The following MICAL2 variants were observed in gnomAD, a reference collection of about 807,000 sequenced individuals.
MICAL2 encodes [F-actin]-monooxygenase MICAL2.
A neutral mutation model predicts 127.3 loss-of-function variants in MICAL2; 77 were observed. The observed-to-expected ratio is 0.60, with a 90% CI of 0.50 to 0.73. The LOEUF (loss-of-function observed/expected upper bound fraction) is 0.73, where lower values mean the gene tolerates loss of function less well. MICAL2 is among the 30% of genes least tolerant of loss of function. MICAL2 has a pLI of 0.00. For missense variants in MICAL2, 1,351 were observed against 1,434.4 expected (o/e 0.94, Z 0.94); for synonymous variants, 570 against 551.1 (o/e 1.03, Z -0.48).
At chr11:12,236,059 T>A (rs185012572) in intron 15 of MICAL2, 118 bp from the exon 16 acceptor site, 116 of 796,846 alleles carry the variant, frequency 1.5e-4, no homozygotes, top group Non-Finnish European at 2.3e-4. Context: ...CAGCTGTTTG[T>A]GGGCAGGGAC....
At chr11:12,136,941 C>T (rs888732437) in intron 1 of MICAL2, among the ~76,000 whole-genome samples, 1 of 152,190 alleles carries the variant, frequency 6.6e-6, no homozygotes, top group Middle Eastern at 3.2e-3. Context: ...ATCTAGAGAG[C>T]ATGGCGGGGT....
At position 12,240,008 on chromosome 11, in the gene MICAL2, T is replaced by TA. The variant is rs548857424; in HGVS notation, c.2214+424dup. Among the ~76,000 whole-genome samples, 768 of 152,352 alleles carry TA rather than the reference T, an allele frequency of 5.0e-3. 3 individuals are homozygous for TA. Among genetic ancestry groups the TA allele is most frequent in the Non-Finnish European group, 6.2e-3 (420 of 68,024 alleles). ...TGGTTTGCAGCCAGTTTTGAGGTGATACAGTTTGAAGGAGCTTTGAGAGGC... is the reference window on the plus strand; with the variant it reads ...TGGTTTGCAGCCAGTTTTGAGGTGATAACAGTTTGAAGGAGCTTTGAGAGGC... On this transcript the variant is annotated intron_variant, in intron 17 of 27. Coordinates refer to ENST00000683283, the MANE Select transcript of MICAL2 (RefSeq NM_001282663.2).
chr11:12,127,122 AG>A (rs1850991466), intron 1 of MICAL2, among the ~76,000 whole-genome samples: 1 of 152,170 alleles, frequency 6.6e-6, no homozygotes, highest in South Asian at 2.1e-4. Context: ...ACTTCAGAAC[AG>A]GGATGGGAGG....
intron 3 of MICAL2, among the ~76,000 whole-genome samples, chr11:12,178,179 T>C (rs2133926709): frequency 6.6e-6 from 1 of 152,320 alleles, no homozygotes; most frequent in Non-Finnish European, 1.5e-5. Flanking sequence ...AGGACTGGGT[T>C]CAGGGATCTT....
At chr11:12,240,232 G>A (rs1337064492) in intron 17 of MICAL2, among the ~76,000 whole-genome samples, 6 of 152,186 alleles carry the variant, frequency 3.9e-5, no homozygotes, top group South Asian at 2.1e-4. Context: ...AGAATGCTGC[G>A]TCAGGCTGTA....
rs191856992 is a variant in MICAL2, at chr11:12,124,323, T to C, written c.-149+13597T>C. On this transcript the variant is annotated intron_variant, in intron 1 of 27. Transcript: ENST00000683283. Reference sequence around the variant, plus strand: ...ACTTGCGATCTTTGACCGACTGACTTTGGGAAGAGTGATTGAAGCCGCCCC... The same window carrying C: ...ACTTGCGATCTTTGACCGACTGACTCTGGGAAGAGTGATTGAAGCCGCCCC... 4.1e-4 allele frequency among the ~76,000 whole-genome samples: 62 copies of C among 152,222 alleles called. 1 individual carries two copies. In the East Asian group the frequency reaches 0.011, roughly 26 times the overall value.
At position 12,226,264 on chromosome 11, in the gene MICAL2, C is replaced by G. The variant is rs1043344107; in HGVS notation, c.1782C>G (p.Thr594=). The G allele has an allele frequency of 3.1e-6, 5 of 1,614,114 alleles. No homozygotes were observed. Among genetic ancestry groups the G allele is most frequent in the Non-Finnish European group, 4.2e-6 (5 of 1,180,046 alleles). ...GAGAGTTTGGGATCCCTCCAGTGAC[C>G]ACGGGCAAAGAGATGGCATCTGCCC... ...AEREFGIPPV[T]TGKEMASAQE... is the part of the protein sequence containing the mutation. Residue 594 remains threonine (T), a synonymous_variant, in exon 14 of 28, where the codon ACC becomes ACG. Coordinates refer to ENST00000683283, the MANE Select transcript of MICAL2 (RefSeq NM_001282663.2).
At position 12,209,456 on chromosome 11, in the gene MICAL2, A is replaced by G. The variant is rs1423195992; in HGVS notation, c.590-41A>G. On this transcript the variant is annotated intron_variant, in intron 5 of 27. Coordinates refer to ENST00000683283, the MANE Select transcript of MICAL2 (RefSeq NM_001282663.2). Reference sequence around the variant, plus strand: ...CGGGGGGTATAATCATTCTCTTCCCACCTCTCTCTGCCAACTCATCTCATT... The same window carrying G: ...CGGGGGGTATAATCATTCTCTTCCCGCCTCTCTCTGCCAACTCATCTCATT... 3 of 1,499,408 alleles carry G rather than the reference A, an allele frequency of 2.0e-6. No individual in the cohort carries two copies. The African/African-American group carries it at 4.1e-5, about 21-fold the overall frequency. The allele number at this position is 1,499,408 out of a possible 1,614,324, so 92.9% of individuals were successfully genotyped here.
chr11:12,233,444 A>G (rs1389454254), intron 15 of MICAL2, among the ~76,000 whole-genome samples: 1 of 152,236 alleles, frequency 6.6e-6, no homozygotes, highest in Non-Finnish European at 1.5e-5. Context: ...TATGACCCAT[A>G]TCTAAATTAT....
chr11:12,219,391 A>G (rs1436240730), intron 8 of MICAL2, among the ~76,000 whole-genome samples: 1 of 152,060 alleles, frequency 6.6e-6, no homozygotes, highest in Admixed American at 6.6e-5. Context: ...TGAAAGAAGC[A>G]TAACAATTAG....
chr11:12,201,800 G>A (rs72866056), intron 3 of MICAL2, among the ~76,000 whole-genome samples: 46,241 of 152,098 alleles, frequency 0.3, 8,382 homozygotes, highest in Middle Eastern at 0.41. Context: ...CAGGACCAAG[G>A]CCATAAAATA....
chr11:12,118,963 A>T (rs1405262157), intron 1 of MICAL2, among the ~76,000 whole-genome samples: 1 of 152,112 alleles, frequency 6.6e-6, no homozygotes, highest in African/African-American at 2.4e-5. Context: ...AAAATCCTCT[A>T]GGTGGGTTCC....
intron 32 of MICAL2, among the ~76,000 whole-genome samples, chr11:12,332,956 C>A (rs1468663306): frequency 6.6e-6 from 1 of 152,154 alleles, no homozygotes; most frequent in Non-Finnish European, 1.5e-5. Flanking sequence ...GACTGGCTCA[C>A]TCAACAAATA....
chr11:12,223,609 C>A, intron 12 of MICAL2, 108 bp downstream of exon 12: 2 of 941,036 alleles, frequency 2.1e-6, no homozygotes, highest in South Asian at 1.4e-5. Flanking sequence ...CCTGGCTCTG[C>A]CCCTTTACCT....
Position 12,350,794 on chromosome 11 carries a change from A to G in MICAL2, c.5615+857A>G, listed in dbSNP as rs1426812098. Among the ~76,000 whole-genome samples, 3 of 152,342 alleles carry G rather than the reference A, an allele frequency of 2.0e-5. No individual in the cohort carries two copies. In the East Asian group the frequency reaches 5.8e-4, roughly 29 times the overall value. On this transcript the variant is annotated intron_variant, in intron 33 of 34. Coordinates refer to the MICAL2 transcript ENST00000646065. ...TACCTTTATTCGTTTCCTAGGCTGC[A>G]ATAACAAATTGCCACAGACTGGATG... is the stretch of plus-strand genomic sequence containing the variant.
intron 29 of MICAL2, among the ~76,000 whole-genome samples, chr11:12,315,681 A>C (rs1864224297): frequency 6.6e-6 from 1 of 152,154 alleles, no homozygotes. Context: ...TAACTTAGGA[A>C]ATGTTTCCTG....
chr11:12,341,549 C>T (rs12787212), intron 32 of MICAL2, among the ~76,000 whole-genome samples: 62,171 of 151,988 alleles, frequency 0.41, 15,380 homozygotes, highest in Non-Finnish European at 0.56. Context: ...GTTATTGGCC[C>T]GGCGCGGTGG....
chr11:12,206,782 T>C (rs1239339143), intron 4 of MICAL2, among the ~76,000 whole-genome samples: 1 of 152,132 alleles, frequency 6.6e-6, no homozygotes, highest in Non-Finnish European at 1.5e-5. Context: ...CCAGCACCCA[T>C]TCCTTCCTCG....
intron 10 of MICAL2, 47 bp from the exon 11 acceptor site, chr11:12,222,570 G>C: frequency 1.9e-6 from 3 of 1,613,162 alleles, no homozygotes; most frequent in Non-Finnish European, 2.5e-6. Context: ...GACAAGGCCT[G>C]AGGTGGCAAA....
Sources: gnomAD v4.1 joint callset for allele counts (sites outside exome capture counted in the v4.1 genomes callset) on GRCh38, gnomAD v4.1.1 for gene constraint, MANE v1.5 for transcripts, NCBI Gene and HGNC (gene_info 2026-07-23, HGNC 2026-07-21) for gene names.